Variants in GRIA1 observed in about 807,000 individuals in gnomAD.
The protein encoded by GRIA1 is glutamate ionotropic receptor AMPA type subunit 1, also known as glutamate receptor 1.
A neutral mutation model predicts 99.2 loss-of-function variants in GRIA1; 31 were observed. The observed-to-expected ratio is 0.31, with a 90% confidence interval of 0.23 to 0.42. The LOEUF (loss-of-function observed/expected upper bound fraction) is 0.42, where lower values mean the gene tolerates loss of function less well. Among genes scored for constraint, GRIA1 ranks in the 10% least tolerant of loss-of-function variants. The probability of loss-of-function intolerance (pLI) is 1.00; values close to 1 mark genes in which losing one functional copy is unlikely to be tolerated. For synonymous variants in GRIA1, 438 were observed against 432.4 expected, an observed-to-expected ratio of 1.01 and a Z score of -0.16; for missense variants, 782 against 1,157.5, an observed-to-expected ratio of 0.68 and a Z score of 4.71.
chr5:153,799,085 C>A (rs1022877830), intron 14 of GRIA1, among the ~76,000 whole-genome samples: 4 of 152,116 alleles, frequency 2.6e-5, no homozygotes, highest in African/African-American at 4.8e-5. Context: ...TTTTCCACCC[C>A]CCCCTGACAA....
chr5:153,742,113 A>G (rs190893315), intron 11 of GRIA1, among the ~76,000 whole-genome samples: 1 of 152,276 alleles, frequency 6.6e-6, no homozygotes, highest in Admixed American at 6.5e-5. Context: ...GATACGAAAA[A>G]AAATATGTTG....
intron 5 of GRIA1, among the ~76,000 whole-genome samples, chr5:153,673,259 A>G (rs754172922): frequency 2.0e-5 from 3 of 152,052 alleles, no homozygotes; most frequent in African/African-American, 7.2e-5. Flanking sequence ...AGCCAAGACC[A>G]CCTCCTTGCG....
At chr5:153,708,497 C>G (rs1759079383) in intron 11 of GRIA1, among the ~76,000 whole-genome samples, 1 of 152,170 alleles carries the variant, frequency 6.6e-6, no homozygotes, top group African/African-American at 2.4e-5. Flanking sequence ...CAACTCTACT[C>G]TATGCCTCTT....
intron 2 of GRIA1, among the ~76,000 whole-genome samples, chr5:153,534,416 A>G (rs1172983517): frequency 6.6e-6 from 1 of 152,192 alleles, no homozygotes; most frequent in Non-Finnish European, 1.5e-5. Context: ...ACTCAACCTG[A>G]AAAAAATGTC....
At chr5:153,576,347 T>C (rs555580032) in intron 2 of GRIA1, among the ~76,000 whole-genome samples, 2 of 152,314 alleles carry the variant, frequency 1.3e-5, no homozygotes, top group East Asian at 1.9e-4. Context: ...CCTTGAAGAA[T>C]AGGATGTATT....
chr5:153,731,838 G>C (rs193199721), intron 11 of GRIA1, among the ~76,000 whole-genome samples: 1 of 152,024 alleles, frequency 6.6e-6, no homozygotes, highest in Non-Finnish European at 1.5e-5. Context: ...CTGCACCTTA[G>C]GTATCCGGAA....
chr5:153,683,980 G>T (rs568952950), intron 7 of GRIA1, among the ~76,000 whole-genome samples: 2 of 152,260 alleles, frequency 1.3e-5, no homozygotes, highest in Non-Finnish European at 2.9e-5. Context: ...ACATTTTTGT[G>T]TTGTCCTCCT....
intron 6 of GRIA1, among the ~76,000 whole-genome samples, chr5:153,676,156 A>C (rs895314560): frequency 2.0e-5 from 3 of 152,162 alleles, no homozygotes; most frequent in Admixed American, 2.0e-4. Flanking sequence ...TGCGCCCGGC[A>C]TGTAATTTAA....
chr5:153,689,760 A>T (rs1035023054), intron 8 of GRIA1, among the ~76,000 whole-genome samples: 2 of 152,036 alleles, frequency 1.3e-5, no homozygotes, highest in African/African-American at 4.8e-5. Flanking sequence ...CATTTTTACC[A>T]TCCTCTCCCT....
At chr5:153,578,148 C>CAAAAAAAAAAA (rs60901793) in intron 2 of GRIA1, among the ~76,000 whole-genome samples, 62 of 69,300 alleles carry the variant, frequency 8.9e-4, no homozygotes, top group Non-Finnish European at 1.1e-3. Flanking sequence ...GAGACTCTGT[C>CAAAAAAAAAAA]AAAAAAAAAA....
At chr5:153,554,522 T>C (rs7707039) in intron 2 of GRIA1, among the ~76,000 whole-genome samples, 70,914 of 151,900 alleles carry the variant, frequency 0.47, 18,283 homozygotes, top group Non-Finnish European at 0.59. Flanking sequence ...GAGATGGAGT[T>C]TTACTCTGTT....
chr5:153,704,906 G>T (rs949600384), intron 10 of GRIA1, among the ~76,000 whole-genome samples: 1 of 152,128 alleles, frequency 6.6e-6, no homozygotes, highest in Non-Finnish European at 1.5e-5. Context: ...ATTTCCTGAG[G>T]GTGGGGACCA....
At chr5:153,783,691 TCAG>T (rs532603997) in intron 13 of GRIA1, among the ~76,000 whole-genome samples, 313 of 152,340 alleles carry the variant, frequency 2.1e-3, no homozygotes, top group Admixed American at 3.3e-3. Context: ...ATGGTTTATC[TCAG>T]AAATTAAAAA....
intron 8 of GRIA1, among the ~76,000 whole-genome samples, chr5:153,687,368 T>C (rs1043438156): frequency 6.6e-6 from 1 of 152,120 alleles, no homozygotes; most frequent in Non-Finnish European, 1.5e-5. Context: ...AATTCTCTTA[T>C]CTAGTAAGTG....
chr5:153,548,077 A>T (rs554595906), intron 2 of GRIA1, among the ~76,000 whole-genome samples: 1 of 152,278 alleles, frequency 6.6e-6, no homozygotes, highest in African/African-American at 2.4e-5. Flanking sequence ...ACTTGCATGA[A>T]TTTTTACTCC....
intron 12 of GRIA1, among the ~76,000 whole-genome samples, chr5:153,768,244 C>G (rs1424703151): frequency 6.6e-6 from 1 of 152,164 alleles, no homozygotes; most frequent in East Asian, 1.9e-4. Flanking sequence ...CCTTTTCTCC[C>G]TTCTTTCTTC....
intron 15 of GRIA1, 82 bp downstream of exon 15, chr5:153,802,572 G>T: frequency 7.0e-7 from 1 of 1,426,252 alleles, no homozygotes; most frequent in Non-Finnish European, 9.9e-7. Flanking sequence ...GCTAGAAAGG[G>T]TGGGGAATGA....
intron 2 of GRIA1, chr5:153,573,397 A>G (rs560714946): frequency 6.6e-6 from 1 of 152,332 alleles, no homozygotes; most frequent in African/African-American, 2.4e-5. Flanking sequence ...AATTGTTGGG[A>G]TGATTAAGTC....
intron 2 of GRIA1, among the ~76,000 whole-genome samples, chr5:153,552,366 C>T (rs888467689): frequency 2.8e-4 from 43 of 152,266 alleles, no homozygotes; most frequent in African/African-American, 9.4e-4. Context: ...TCCATACCAG[C>T]TTGTGTGACT....
Sources: gnomAD v4.1 joint callset for allele counts (sites outside exome capture counted in the v4.1 genomes callset) on GRCh38, gnomAD v4.1.1 for gene constraint, MANE v1.5 for transcripts, NCBI Gene and HGNC (gene_info 2026-07-23, HGNC 2026-07-21) for gene names.